The following NTRK2 variants were observed in gnomAD, a reference collection of about 807,000 sequenced individuals.
The protein encoded by NTRK2 is neurotrophic receptor tyrosine kinase 2, also known as BDNF/NT-3 growth factors receptor.
In NTRK2, 13 loss-of-function variants were observed where a neutral mutation model predicts 94.5. The observed-to-expected ratio is 0.14, with a 90% CI of 0.09 to 0.22. NTRK2 has a LOEUF of 0.22. Among genes scored for constraint, NTRK2 ranks in the 10% least tolerant of loss-of-function variants. The pLI is 1.00. For missense variants in NTRK2, 639 were observed against 1,071.2 expected, an observed-to-expected ratio of 0.60 and a Z score of 5.63; for synonymous variants, 372 against 407.4, an observed-to-expected ratio of 0.91 and a Z score of 1.05.
chr9:84,863,162 C>G (rs1425534329), intron 13 of NTRK2, among the ~76,000 whole-genome samples: 1 of 152,088 alleles, frequency 6.6e-6, no homozygotes, highest in African/African-American at 2.4e-5. Flanking sequence ...GAGTACTAAC[C>G]CTTCCCCTCA....
rs1412728949 is a variant in NTRK2, at chr9:84,702,476, CCT to C, written c.359+60_359+61del. The C allele has an allele frequency of 2.9e-5, 42 of 1,424,744 alleles. No homozygotes were observed. In the South Asian group the frequency reaches 4.0e-4, roughly 14 times the overall value. The allele number at this position is 1,424,744 out of a possible 1,614,324, so 88.3% of individuals were successfully genotyped here. On this transcript the variant is annotated intron_variant, in intron 4 of 18. Coordinates refer to ENST00000277120, the MANE Select transcript of NTRK2 (RefSeq NM_006180.6). ...GACCCATTTTATTCAATATTTCCCCCCTCTGTTTATTTTCCTTCTTTTCCAAC... is the reference window on the plus strand; with the variant it reads ...GACCCATTTTATTCAATATTTCCCCCCTGTTTATTTTCCTTCTTTTCCAAC...
At chr9:84,681,499 G>T (rs2059388929) in intron 2 of NTRK2, among the ~76,000 whole-genome samples, 14 of 152,118 alleles carry the variant, frequency 9.2e-5, no homozygotes, top group Admixed American at 9.2e-4. Flanking sequence ...GAACTAGCTA[G>T]GTACATGGGA....
chr9:84,982,620 G>A (rs11140812), intron 17 of NTRK2, among the ~76,000 whole-genome samples: 2,845 of 152,142 alleles, frequency 0.019, 52 homozygotes, highest in Middle Eastern at 0.044. Context: ...CTTTATTTTA[G>A]CCCCCTCTCA....
intron 12 of NTRK2, among the ~76,000 whole-genome samples, chr9:84,841,237 A>T (rs376513073): frequency 2.3e-4 from 35 of 152,256 alleles, no homozygotes; most frequent in African/African-American, 8.2e-4. Context: ...CTCCACTTGG[A>T]TGCCAGGTGA....
intron 13 of NTRK2, among the ~76,000 whole-genome samples, chr9:84,861,854 G>T (rs141925761): frequency 2.6e-4 from 39 of 152,292 alleles, no homozygotes; most frequent in African/African-American, 8.4e-4. Flanking sequence ...TTGGTAGCAA[G>T]GTTGGCCATA....
intron 16 of NTRK2, among the ~76,000 whole-genome samples, chr9:84,951,291 TGTAA>T (rs2078773592): frequency 6.6e-6 from 1 of 152,356 alleles, no homozygotes; most frequent in African/African-American, 2.4e-5. Flanking sequence ...AAATTTTTCT[TGTAA>T]GTGATAGGAC....
chr9:84,865,002 G>A (rs1160476748), intron 13 of NTRK2, among the ~76,000 whole-genome samples: 1 of 152,044 alleles, frequency 6.6e-6, no homozygotes, highest in Non-Finnish European at 1.5e-5. Context: ...GCCTCCCAAA[G>A]TGCTGGGATT....
chr9:84,680,311 A>T (rs1227745942), intron 2 of NTRK2, among the ~76,000 whole-genome samples: 2 of 152,196 alleles, frequency 1.3e-5, no homozygotes, highest in East Asian at 3.9e-4. Flanking sequence ...GGAAGCATTG[A>T]TGTGTAGATG....
intron 14 of NTRK2, among the ~76,000 whole-genome samples, chr9:84,903,096 T>C (rs1455804855): frequency 2.6e-5 from 4 of 152,232 alleles, no homozygotes; most frequent in African/African-American, 9.6e-5. Flanking sequence ...CACGTAACTA[T>C]TTTAATTTAA....
intron 2 of NTRK2, among the ~76,000 whole-genome samples, chr9:84,672,782 G>T (rs2058778783): frequency 6.6e-6 from 1 of 152,154 alleles, no homozygotes; most frequent in Admixed American, 6.5e-5. Context: ...CCTGATCTTA[G>T]CTGCCTGATG....
rs116837235 is a variant in NTRK2 at position 84,823,233 on chromosome 9, G to A, written c.1397-37807G>A. 8.9e-3 allele frequency among the ~76,000 whole-genome samples: 1,351 copies of A among 151,966 alleles called. 21 individuals are homozygous for A. The highest frequency in any genetic ancestry group is 0.03 in the African/African-American group (1,258 of 41,460). ...ACTAAGACCTGTTTTTGTTTTTCTC[G>A]CCTACATACTAAAACCACGAGTGAT... is the stretch of plus-strand genomic sequence containing the variant. On this transcript the variant is annotated intron_variant, in intron 12 of 18. Transcript: ENST00000277120.
Position 84,670,617 on chromosome 9 carries a change from C to A in NTRK2, c.-132C>A. The A allele has an allele frequency of 1.1e-6, 1 of 894,142 alleles. No individual in the cohort carries two copies. The highest frequency in any genetic ancestry group is 1.6e-5 in the African/African-American group (1 of 61,658). 55.4% of individuals were successfully genotyped at this position (894,142 alleles called of 1,614,324 possible). A position where few individuals can be genotyped will look rare whatever the true frequency, so the allele number is the denominator to read the frequency against. On this transcript the variant is annotated 5_prime_UTR_variant, in exon 2 of 19. Transcript: ENST00000277120. ...CCAGCTCAGCCTCTGATAAGCTGGA[C>A]TCGGCACGCCCGCAACAAGCACCGA...
chr9:84,982,134 G>A (rs544366221), intron 17 of NTRK2, among the ~76,000 whole-genome samples: 7 of 152,328 alleles, frequency 4.6e-5, no homozygotes, highest in African/African-American at 1.7e-4. Flanking sequence ...CCCATGGAAC[G>A]ATGTTTCAGT....
intron 13 of NTRK2, among the ~76,000 whole-genome samples, chr9:84,863,890 C>T (rs763036567): frequency 4.6e-5 from 7 of 152,200 alleles, no homozygotes; most frequent in Non-Finnish European, 1.0e-4. Flanking sequence ...TTTACTGCTT[C>T]TACGCTTAAT....
At chr9:84,986,178 C>T (rs1828268900) in intron 17 of NTRK2, among the ~76,000 whole-genome samples, 1 of 152,142 alleles carries the variant, frequency 6.6e-6, no homozygotes. Context: ...GATGTTGTGA[C>T]ATTTTCAACA....
At chr9:84,723,544 T>G (rs1454305890) in intron 6 of NTRK2, 29 bp from the exon 7 acceptor site, 2 of 1,613,710 alleles carry the variant, frequency 1.2e-6, no homozygotes, top group Non-Finnish European at 8.5e-7. Context: ...TATTTGCATA[T>G]GCCTCTGTTT....
chr9:84,869,563 AT>A (rs1237988373), intron 14 of NTRK2, among the ~76,000 whole-genome samples: 7 of 151,692 alleles, frequency 4.6e-5, no homozygotes, highest in Non-Finnish European at 7.4e-5. Context: ...TTATCTCATA[AT>A]TTTTTTTCCT....
At chr9:84,975,719 C>T (rs1027082904) in intron 17 of NTRK2, among the ~76,000 whole-genome samples, 3 of 152,050 alleles carry the variant, frequency 2.0e-5, no homozygotes, top group Admixed American at 6.5e-5. Context: ...TCCCACATTT[C>T]GTTAGATTCT....
chr9:84,957,883 T>C (rs1824350596), intron 17 of NTRK2, among the ~76,000 whole-genome samples: 1 of 152,204 alleles, frequency 6.6e-6, no homozygotes, highest in African/African-American at 2.4e-5. Flanking sequence ...AATGCGGTAA[T>C]CCATACAATG....
Sources: gnomAD v4.1 joint callset for allele counts (sites outside exome capture counted in the v4.1 genomes callset) on GRCh38, gnomAD v4.1.1 for gene constraint, MANE v1.5 for transcripts, NCBI Gene and HGNC (gene_info 2026-07-23, HGNC 2026-07-21) for gene names.